Variants in SLC5A10 observed in about 807,000 individuals in gnomAD.
The protein encoded by SLC5A10 is solute carrier family 5 member 10.
Under a neutral mutation model 68.9 loss-of-function variants are expected in SLC5A10, and 55 were observed. The observed-to-expected ratio is 0.80, with a 90% CI of 0.64 to 1.00. The LOEUF (loss-of-function observed/expected upper bound fraction) is 1.00, where lower values mean the gene tolerates loss of function less well. SLC5A10 is among the 50% of genes least tolerant of loss of function. The probability of loss-of-function intolerance (pLI) is 0.00; values close to 1 mark genes in which losing one functional copy is unlikely to be tolerated. For missense variants in SLC5A10, 732 were observed against 819.3 expected (o/e 0.89, Z 1.30); for synonymous variants, 344 against 344.8 (o/e 1.00, Z 0.02).
At chr17:18,958,615 T>C in intron 1 of SLC5A10, 67 bp from the exon 2 acceptor site, 1 of 1,458,012 alleles carries the variant, frequency 6.9e-7, no homozygotes, top group South Asian at 1.1e-5. Context: ...TGCCAAGCCG[T>C]TTCCCATTCG....
chr17:18,976,072 C>T (rs2042969018), intron 8 of SLC5A10: 1 of 150,956 alleles, frequency 6.6e-6, no homozygotes, highest in South Asian at 2.1e-4. Context: ...GCCTGTTGTC[C>T]CAGCTACTTG....
upstream of SLC5A10, chr17:18,950,905 G>A (rs1285944985): frequency 6.3e-6 from 1 of 159,602 alleles, no homozygotes; most frequent in Non-Finnish European, 1.3e-5. Context: ...TAGTAGAGAC[G>A]AGGTTTTGCC....
rs989697303 is a variant in SLC5A10 at position 18,969,396 on chromosome 17, T to C, written c.614T>C (p.Val205Ala). Residue 205 changes from valine (V) to alanine (A), a missense_variant, in exon 7 of 15, where the codon GTG becomes GCG. Transcript: ENST00000395645. ...GCCCTGCAGACGCTCATCATGGTGG[T>C]GGGGGCTGTCATCCTGACAATCAAA... ...TDALQTLIMV[V>A]GAVILTIKAF... The C allele has an allele frequency of 1.9e-6, 3 of 1,613,710 alleles. No individual in the cohort carries two copies. Among genetic ancestry groups the C allele is most frequent in the Non-Finnish European group, 2.5e-6 (3 of 1,179,994 alleles).
chr17:18,970,752 C>T (rs111321066), intron 7 of SLC5A10: 198 of 495,310 alleles, frequency 4.0e-4, no homozygotes, highest in African/African-American at 3.3e-3. Context: ...GCTGGGCCAG[C>T]GGGACACTGG....
At chr17:18,993,143 C>T (rs578018456) in intron 9 of SLC5A10, among the ~76,000 whole-genome samples, 2 of 152,296 alleles carry the variant, frequency 1.3e-5, no homozygotes, top group South Asian at 2.1e-4. Context: ...AGCACCTCTT[C>T]AGGGGGGCCC....
chr17:19,014,774 A>C (rs1467377133), intron 10 of SLC5A10, among the ~76,000 whole-genome samples: 3 of 152,176 alleles, frequency 2.0e-5, no homozygotes, highest in Non-Finnish European at 4.4e-5. Flanking sequence ...CAGCCTCAGC[A>C]TTATGAGTAA....
chr17:18,952,717 G>A (rs1186944047), intron 1 of SLC5A10, among the ~76,000 whole-genome samples: 3 of 150,560 alleles, frequency 2.0e-5, no homozygotes, highest in African/African-American at 4.8e-5. Context: ...ATCAGAATCC[G>A]GAGGCAGGGA....
In SLC5A10 at chr17:19,020,512, A is replaced by G. The variant is rs2044247088; in HGVS notation, c.*81A>G. On this transcript the variant is annotated 3_prime_UTR_variant, in exon 15 of 15. Coordinates refer to ENST00000395645, the MANE Select transcript of SLC5A10 (RefSeq NM_001042450.4). ...CCCTCATGGGGATCCCGAGGCCCCA[A>G]GAGGGGCAGATTCCCCTCACAGCTG... 1 of 1,340,322 alleles carries G rather than the reference A, an allele frequency of 7.5e-7. No homozygotes were observed. The highest frequency in any genetic ancestry group is 1.2e-5 in the South Asian group (1 of 80,370). The allele number at this position is 1,340,322 out of a possible 1,614,324, so 83.0% of individuals were successfully genotyped here. A position where few individuals can be genotyped will look rare whatever the true frequency, so the allele number is the denominator to read the frequency against.
At chr17:18,951,242 G>C (rs528486712), upstream of SLC5A10, among the ~76,000 whole-genome samples, 3 of 152,372 alleles carry the variant, frequency 2.0e-5, no homozygotes, top group Admixed American at 6.5e-5. Flanking sequence ...GAATTAGTGA[G>C]CGAGCGTCCC....
chr17:18,964,869 G>T (rs2042679253), intron 5 of SLC5A10, among the ~76,000 whole-genome samples: 1 of 152,218 alleles, frequency 6.6e-6, no homozygotes, highest in Admixed American at 6.5e-5. Flanking sequence ...CTGACCGGGT[G>T]CAGTGGCTCA....
At chr17:18,950,751 T>C (rs146835614), upstream of SLC5A10, 118,991 of 959,134 alleles carry the variant, frequency 0.12, 7,871 homozygotes, top group East Asian at 0.35. Flanking sequence ...AGTCTCCCTC[T>C]GTTGCCCAGG....
intron 9 of SLC5A10, among the ~76,000 whole-genome samples, chr17:18,989,915 C>T (rs1597871937): frequency 6.6e-6 from 1 of 152,224 alleles, no homozygotes; most frequent in African/African-American, 2.4e-5. Flanking sequence ...TTCTCTTGGA[C>T]GTTTAGTCTC....
intron 1 of SLC5A10, 170 bp downstream of exon 1, chr17:18,952,486 C>T (rs2042388757): frequency 2.7e-6 from 2 of 744,594 alleles, no homozygotes; most frequent in Non-Finnish European, 4.2e-6. Flanking sequence ...GAGACCTTGA[C>T]CAAGCCCGTT....
chr17:18,979,635 G>A, intron 9 of SLC5A10: 5 of 1,613,550 alleles, frequency 3.1e-6, no homozygotes, highest in Non-Finnish European at 4.2e-6. Context: ...CCGACCGCGT[G>A]AAGAACTCAG....
intron 9 of SLC5A10, among the ~76,000 whole-genome samples, chr17:19,005,109 C>G (rs1473049348): frequency 6.6e-6 from 1 of 152,132 alleles, no homozygotes; most frequent in Admixed American, 6.5e-5. Flanking sequence ...GGCGGGAAGT[C>G]CGTGCGGCTG....
chr17:18,974,431 G>A (rs1196136966), intron 8 of SLC5A10, among the ~76,000 whole-genome samples: 1 of 152,242 alleles, frequency 6.6e-6, no homozygotes, highest in Non-Finnish European at 1.5e-5. Flanking sequence ...CTCCCGTCTG[G>A]GCTATGCCCC....
At chr17:18,977,827 G>A in intron 9 of SLC5A10, 2 of 1,609,592 alleles carry the variant, frequency 1.2e-6, no homozygotes, top group Admixed American at 3.3e-5. Context: ...CTGACACAGA[G>A]GAAGCCACTG....
chr17:18,966,094 G>A (rs982874188), intron 5 of SLC5A10, among the ~76,000 whole-genome samples: 1 of 152,204 alleles, frequency 6.6e-6, no homozygotes, highest in African/African-American at 2.4e-5. Flanking sequence ...CCAGGGCCGT[G>A]AAGCACTGGC....
chr17:18,977,471 A>G, intron 9 of SLC5A10: 1 of 1,069,378 alleles, frequency 9.4e-7, no homozygotes, highest in Non-Finnish European at 1.3e-6. Context: ...GTAACAAGGG[A>G]ATTGAAGTCA....
Sources: gnomAD v4.1 joint callset for allele counts (sites outside exome capture counted in the v4.1 genomes callset) on GRCh38, gnomAD v4.1.1 for gene constraint, MANE v1.5 for transcripts, NCBI Gene and HGNC (gene_info 2026-07-23, HGNC 2026-07-21) for gene names.